Variants in MZT2A observed in about 807,000 individuals in gnomAD.
The protein encoded by MZT2A is mitotic spindle organizing protein 2A.
MZT2A carries 8 observed loss-of-function variants against 12.4 expected under a neutral mutation model. The observed-to-expected ratio is 0.64, with a 90% confidence interval of 0.38 to 1.16. MZT2A has a LOEUF of 1.16. MZT2A is among the 50% of genes most tolerant of loss of function. The probability of loss-of-function intolerance (pLI) is 0.01; values close to 1 mark genes in which losing one functional copy is unlikely to be tolerated. For synonymous variants in MZT2A, 88 were observed against 107.5 expected (o/e 0.82, Z 1.12); for missense variants, 181 against 223.6 (o/e 0.81, Z 1.22).
downstream of MZT2A, chr2:131,482,401 C>G: frequency 7.6e-7 from 1 of 1,321,264 alleles, no homozygotes; most frequent in Non-Finnish European, 1.0e-6. Flanking sequence ...TATCACCCTG[C>G]CTGGTGCAGA....
At chr2:131,487,415 C>G (rs1435492740) in intron 2 of MZT2A, among the ~76,000 whole-genome samples, 1 of 152,098 alleles carries the variant, frequency 6.6e-6, no homozygotes, top group Non-Finnish European at 1.5e-5. Context: ...GAGGTTGAGG[C>G]TGCAGTGAGC....
chr2:131,490,176 C>T (rs1326137079), intron 2 of MZT2A: 2 of 716,996 alleles, frequency 2.8e-6, no homozygotes, highest in Non-Finnish European at 3.4e-6. Flanking sequence ...CCTGATCACA[C>T]CTGGTGACAC....
intron 2 of MZT2A, chr2:131,478,487 G>C: frequency 4.4e-6 from 6 of 1,368,818 alleles, no homozygotes; most frequent in Non-Finnish European, 5.9e-6. Flanking sequence ...GAAAGGATGG[G>C]ATAGACAGGC....
At chr2:131,472,288 G>T (rs1705004394) in intron 2 of MZT2A, 2 of 1,013,126 alleles carry the variant, frequency 2.0e-6, no homozygotes, top group Non-Finnish European at 2.6e-6. Flanking sequence ...ATAATTCACA[G>T]GACTCTTTTT....
chr2:131,490,752 A>T lies in MZT2A; in HGVS notation c.319+1124T>A, dbSNP rs543799131. The T allele has an allele frequency of 1.8e-3, 2,810 of 1,542,302 alleles. 49 individuals are homozygous for T. In the African/African-American group the frequency reaches 0.035, roughly 19 times the overall value. ...AACAGGCAGCAAGAGAGGCGGAGGG[A>T]ACCCGGGGGGCCTGGAGAGAGAGGT... On this transcript the variant is annotated intron_variant, in intron 2 of 2. Transcript: ENST00000309451.
upstream of MZT2A, chr2:131,492,768 A>C: frequency 1.4e-5 from 9 of 628,958 alleles, no homozygotes; most frequent in Non-Finnish European, 2.1e-5. Flanking sequence ...GTGCACCACT[A>C]GGGGTCGCTC....
chr2:131,478,517 A>G, intron 2 of MZT2A: 2 of 1,390,562 alleles, frequency 1.4e-6, no homozygotes, highest in Non-Finnish European at 1.9e-6. Flanking sequence ...TGGCATTGTT[A>G]GGAGAGAAAC....
upstream of MZT2A, chr2:131,493,194 C>A: frequency 7.2e-7 from 1 of 1,394,450 alleles, no homozygotes. Flanking sequence ...GGGGCTTCCG[C>A]GAGCCCCTGC....
rs1704957565 is a variant in MZT2A, at chr2:131,470,432, A to C, written c.394-89T>G. ...GTTTACACTATATTAAAGAGTTACA[A>C]GTGACAGCCAATGCTGGTTACAGAT... On this transcript the variant is annotated intron_variant and NMD_transcript_variant, in intron 3 of 4. Coordinates refer to the MZT2A transcript ENST00000427024. The C allele has an allele frequency of 3.6e-6, 4 of 1,098,594 alleles. No homozygotes were observed. The Admixed American group carries it at 7.8e-5, about 21-fold the overall frequency. 68.1% of individuals were successfully genotyped at this position (1,098,594 alleles called of 1,614,324 possible).
intron 2 of MZT2A, among the ~76,000 whole-genome samples, chr2:131,488,098 T>A (rs1679127505): frequency 6.6e-6 from 1 of 152,122 alleles, no homozygotes; most frequent in African/African-American, 2.4e-5. Flanking sequence ...CCACACGCAG[T>A]GCAATGACCA....
chr2:131,492,781 CG>C (rs71983887), upstream of MZT2A: 4,457 of 772,922 alleles, frequency 5.8e-3, 76 homozygotes, highest in African/African-American at 0.12. Flanking sequence ...GGTCGCTCTT[CG>C]GGGGGGGTGG....
chr2:131,471,615 C>A (rs1475063526), intron 3 of MZT2A, among the ~76,000 whole-genome samples: 1 of 151,206 alleles, frequency 6.6e-6, no homozygotes, highest in Non-Finnish European at 1.5e-5. Context: ...AGTTCCCTGT[C>A]CTTACTAAGA....
At chr2:131,493,288 G>A (rs1573882047), upstream of MZT2A, 3 of 1,328,168 alleles carry the variant, frequency 2.3e-6, no homozygotes, top group East Asian at 3.0e-5. Context: ...GGGGAGTGGA[G>A]GGCCCCGGCT....
At chr2:131,488,089 C>T (rs1679126762) in intron 2 of MZT2A, among the ~76,000 whole-genome samples, 1 of 152,136 alleles carries the variant, frequency 6.6e-6, no homozygotes, top group African/African-American at 2.4e-5. Flanking sequence ...CTGCGCATAC[C>T]ACACGCAGTG....
At chr2:131,476,240 G>C in intron 2 of MZT2A, 1 of 1,613,836 alleles carries the variant, frequency 6.2e-7, no homozygotes. Context: ...AGATGCCCAG[G>C]CAGACGAAGT....
chr2:131,487,659 T>C (rs1679105694), intron 2 of MZT2A, among the ~76,000 whole-genome samples: 1 of 152,252 alleles, frequency 6.6e-6, no homozygotes. Context: ...TCTTGCTATG[T>C]TGCCCAGGCT....
chr2:131,488,976 C>A (rs1400000780), intron 2 of MZT2A, among the ~76,000 whole-genome samples: 3 of 150,768 alleles, frequency 2.0e-5, no homozygotes, highest in African/African-American at 7.4e-5. Flanking sequence ...GTGCCACAAC[C>A]CCCACATACA....
intron 2 of MZT2A, among the ~76,000 whole-genome samples, chr2:131,485,446 C>A (rs10205189): frequency 2.0e-5 from 3 of 152,012 alleles, no homozygotes; most frequent in African/African-American, 4.8e-5. Context: ...AGAAACTCCA[C>A]ACCCCACCCC....
intron 2 of MZT2A, among the ~76,000 whole-genome samples, chr2:131,476,379 G>C (rs1678667816): frequency 1.3e-5 from 2 of 152,226 alleles, no homozygotes; most frequent in South Asian, 2.1e-4. Context: ...TCCCAGGGCA[G>C]GGACGGCGGC....
Sources: allele counts gnomAD v4.1 joint callset (sites outside exome capture counted in the v4.1 genomes callset), GRCh38; gene constraint gnomAD v4.1.1; transcripts MANE v1.5; gene names NCBI Gene and HGNC (gene_info 2026-07-23, HGNC 2026-07-21).